The following COLEC10 variants were observed in gnomAD, a reference collection of about 807,000 sequenced individuals.
COLEC10 encodes collectin-10.
A neutral mutation model predicts 28.4 loss-of-function variants in COLEC10; 22 were observed. That is an observed-to-expected ratio of 0.78 (90% confidence interval 0.55 to 1.11). The LOEUF is 1.11. Among genes scored for constraint, COLEC10 ranks in the 50% least tolerant of loss-of-function variants. The probability of loss-of-function intolerance (pLI) is 0.00; values close to 1 mark genes in which losing one functional copy is unlikely to be tolerated. For synonymous variants in COLEC10, 125 were observed against 116.1 expected (o/e 1.08, Z -0.49); for missense variants, 361 against 344.1 (o/e 1.05, Z -0.39).
intron 2 of COLEC10, among the ~76,000 whole-genome samples, chr8:119,053,686 T>G (rs201532192): frequency 3.3e-5 from 5 of 150,046 alleles, no homozygotes; most frequent in African/African-American, 7.3e-5. Flanking sequence ...AAAAAAAAGG[T>G]GGGGGGGGCT....
rs202063698 is a variant in COLEC10, at chr8:119,004,730, TA to T, written n.123-4709del. Among the ~76,000 whole-genome samples the T allele has an allele frequency of 5.7e-3, 871 of 151,948 alleles. 7 individuals carry two copies. Among genetic ancestry groups the T allele is most frequent in the African/African-American group, 0.02 (840 of 41,508 alleles). On this transcript the variant is annotated intron_variant and non_coding_transcript_variant, in intron 1 of 6. Transcript: ENST00000521788. Reference sequence around the variant, plus strand: ...AGGCAACATTTTTCTAATCTGTTTCTAACTTGTAGTAGGTCACCCAATTGCT... The same window carrying T: ...AGGCAACATTTTTCTAATCTGTTTCTACTTGTAGTAGGTCACCCAATTGCT...
At chr8:119,050,126 T>C (rs1814651904) in intron 2 of COLEC10, among the ~76,000 whole-genome samples, 1 of 152,226 alleles carries the variant, frequency 6.6e-6, no homozygotes, top group African/African-American at 2.4e-5. Context: ...ACATGTAAAG[T>C]ACTTGCAACA....
At chr8:119,077,214 G>A (rs1447963338) in intron 1 of COLEC10, among the ~76,000 whole-genome samples, 3 of 141,128 alleles carry the variant, frequency 2.1e-5, no homozygotes, top group East Asian at 4.4e-4. Context: ...AAATGAGCTC[G>A]AAATTTTGAT....
chr8:119,000,898 CTGA>C (rs996018844), intron 1 of COLEC10, among the ~76,000 whole-genome samples: 6 of 146,008 alleles, frequency 4.1e-5, no homozygotes, highest in African/African-American at 1.5e-4. Context: ...GACAGTGGGC[CTGA>C]TGATAAAGTC....
upstream of COLEC10, among the ~76,000 whole-genome samples, chr8:118,991,527 T>C (rs1304767732): frequency 6.6e-6 from 1 of 152,172 alleles, no homozygotes; most frequent in African/African-American, 2.4e-5. Context: ...AAATGGTGGA[T>C]GGAAGTGGTG....
chr8:118,975,155 G>C, the COLEC10 span, among the ~76,000 whole-genome samples: 15 of 152,108 alleles, frequency 9.9e-5, no homozygotes, highest in East Asian at 2.9e-3. Context: ...CAATAAAACA[G>C]AAGGTCAGGA....
At chr8:119,091,296 T>C in intron 3 of COLEC10, 76 bp downstream of exon 3, 1 of 1,079,068 alleles carries the variant, frequency 9.3e-7, no homozygotes, top group South Asian at 1.3e-5. Context: ...ACACCAGTAA[T>C]CCCAACACTC....
chr8:119,000,154 T>G (rs59694067), intron 1 of COLEC10, among the ~76,000 whole-genome samples: 35,581 of 151,834 alleles, frequency 0.23, 4,483 homozygotes, highest in East Asian at 0.37. Context: ...AAAGGCAGAG[T>G]GTGCAGATTC....
chr8:119,031,667 C>T (rs1245825859), intron 2 of COLEC10, among the ~76,000 whole-genome samples: 1 of 152,154 alleles, frequency 6.6e-6, no homozygotes, highest in Non-Finnish European at 1.5e-5. Context: ...GAATACTTTC[C>T]CATTCCCCTA....
At chr8:119,077,590 G>A (rs570955721) in intron 1 of COLEC10, among the ~76,000 whole-genome samples, 80 of 152,188 alleles carry the variant, frequency 5.3e-4, no homozygotes, top group Non-Finnish European at 7.4e-4. Flanking sequence ...GAATTCTATA[G>A]CATCAAAAAA....
upstream of COLEC10, chr8:119,067,108 T>C: frequency 1.7e-6 from 1 of 597,922 alleles, no homozygotes. Context: ...TATGGTCCAT[T>C]TGGAGCACTG....
chr8:119,057,316 C>G (rs1381047106), intron 2 of COLEC10, among the ~76,000 whole-genome samples: 1 of 152,046 alleles, frequency 6.6e-6, no homozygotes, highest in Non-Finnish European at 1.5e-5. Context: ...TGAGGTCTCC[C>G]AAGCCATGTG....
At chr8:118,976,059 T>C in the COLEC10 span, among the ~76,000 whole-genome samples, 1 of 152,088 alleles carries the variant, frequency 6.6e-6, no homozygotes, top group Admixed American at 6.6e-5. Flanking sequence ...TCCAGTTTCT[T>C]TAAATGTTTG....
At chr8:119,065,895 A>G (rs907246006), upstream of COLEC10, among the ~76,000 whole-genome samples, 6 of 151,900 alleles carry the variant, frequency 3.9e-5, no homozygotes, top group Admixed American at 2.6e-4. Context: ...AGAAAAAGTA[A>G]TGTGCCTGCC....
chr8:118,955,287 T>C, the COLEC10 span, among the ~76,000 whole-genome samples: 2 of 152,194 alleles, frequency 1.3e-5, no homozygotes, highest in Non-Finnish European at 2.9e-5. Context: ...TTTTAAAATG[T>C]ATATGTGGGT....
the COLEC10 span, among the ~76,000 whole-genome samples, chr8:118,979,236 T>G: frequency 6.6e-6 from 1 of 152,080 alleles, no homozygotes; most frequent in Non-Finnish European, 1.5e-5. Context: ...AACAGCTCAT[T>G]GAAGCTCCAC....
At chr8:118,966,187 G>A in the COLEC10 span, among the ~76,000 whole-genome samples, 1 of 152,104 alleles carries the variant, frequency 6.6e-6, no homozygotes, top group African/African-American at 2.4e-5. Context: ...AAAAAATTTA[G>A]TAGATCCTTA....
intron 1 of COLEC10, among the ~76,000 whole-genome samples, chr8:119,003,593 C>T (rs926024657): frequency 2.6e-5 from 4 of 151,896 alleles, no homozygotes; most frequent in Admixed American, 2.6e-4. Flanking sequence ...TGGCATGGGG[C>T]TCAGAGGATG....
At chr8:119,047,116 A>G (rs1814599695) in intron 2 of COLEC10, among the ~76,000 whole-genome samples, 1 of 152,242 alleles carries the variant, frequency 6.6e-6, no homozygotes, top group African/African-American at 2.4e-5. Flanking sequence ...TTTTTGGAAT[A>G]TAAACCAACA....
Sources: allele counts gnomAD v4.1 joint callset (sites outside exome capture counted in the v4.1 genomes callset), GRCh38; gene constraint gnomAD v4.1.1; transcripts MANE v1.5; gene names NCBI Gene and HGNC (gene_info 2026-07-23, HGNC 2026-07-21).